Variants in FSTL5 observed in about 807,000 individuals in gnomAD.
FSTL5 encodes the protein follistatin-related protein 5.
Under a neutral mutation model 89.1 loss-of-function variants are expected in FSTL5, and 62 were observed. The observed-to-expected ratio is 0.70, with a 90% CI of 0.57 to 0.86. The LOEUF is 0.86. FSTL5 is among the 40% of genes least tolerant of loss of function. The pLI, the probability that FSTL5 is intolerant of heterozygous loss-of-function variation, is 0.00. For missense variants in FSTL5, 1,057 were observed against 1,001.6 expected (o/e 1.06, Z -0.75); for synonymous variants, 383 against 346.2 (o/e 1.11, Z -1.18).
chr4:161,599,435 A>G (rs1734150044), intron 7 of FSTL5, among the ~76,000 whole-genome samples: 1 of 152,156 alleles, frequency 6.6e-6, no homozygotes, highest in Non-Finnish European at 1.5e-5. Flanking sequence ...ACACACATAA[A>G]TTTTTCTATA....
chr4:161,518,160 GT>G (rs1180005601), intron 10 of FSTL5, among the ~76,000 whole-genome samples: 2 of 152,186 alleles, frequency 1.3e-5, no homozygotes, highest in East Asian at 3.8e-4. Flanking sequence ...ACCACACAGG[GT>G]TTTAACCTAA....
intron 7 of FSTL5, among the ~76,000 whole-genome samples, chr4:161,655,867 C>A (rs916922494): frequency 6.6e-6 from 1 of 152,058 alleles, no homozygotes; most frequent in Non-Finnish European, 1.5e-5. Context: ...GCTATAGATT[C>A]CTATTACATG....
chr4:162,075,727 C>T (rs1047491031), intron 2 of FSTL5, among the ~76,000 whole-genome samples: 1 of 151,846 alleles, frequency 6.6e-6, no homozygotes, highest in African/African-American at 2.4e-5. Context: ...GAGATAATGT[C>T]CCATCATCAC....
intron 15 of FSTL5, among the ~76,000 whole-genome samples, chr4:161,411,338 A>G (rs930571377): frequency 2.6e-5 from 4 of 152,022 alleles, no homozygotes; most frequent in Admixed American, 2.6e-4. Context: ...TATTCTATGA[A>G]GCCAGTATCA....
rs1305162153 is a variant in FSTL5 at position 161,617,899 on chromosome 4, T to C, written c.895-30324A>G. ...CTTAATGGGGATGGCACTGAATCTATAAATTACCTTGGGCAGTATGGTCAT... is the reference window on the plus strand; with the variant it reads ...CTTAATGGGGATGGCACTGAATCTACAAATTACCTTGGGCAGTATGGTCAT... On this transcript the variant is annotated intron_variant, in intron 7 of 15. Transcript: ENST00000306100. 2.0e-5 allele frequency among the ~76,000 whole-genome samples: 3 copies of C among 152,346 alleles called. No individual in the cohort carries two copies. In the East Asian group the frequency reaches 5.8e-4, roughly 29 times the overall value.
chr4:161,506,288 T>C (rs1730480491), intron 11 of FSTL5, among the ~76,000 whole-genome samples: 1 of 150,794 alleles, frequency 6.6e-6, no homozygotes, highest in African/African-American at 2.4e-5. Flanking sequence ...GCCTAGGCTG[T>C]TCTCAAACTC....
intron 3 of FSTL5, among the ~76,000 whole-genome samples, chr4:161,993,751 T>A (rs2111085519): frequency 6.6e-6 from 1 of 152,214 alleles, no homozygotes; most frequent in South Asian, 2.1e-4. Context: ...AAGGTTAATA[T>A]GATAAAAGTA....
At chr4:162,010,428 G>GA (rs980021203) in intron 3 of FSTL5, among the ~76,000 whole-genome samples, 1 of 152,052 alleles carries the variant, frequency 6.6e-6, no homozygotes, top group African/African-American at 2.4e-5. Flanking sequence ...ATGCTAAAAG[G>GA]AAAAAAATGA....
At chr4:161,835,603 A>G (rs1463325784) in intron 4 of FSTL5, among the ~76,000 whole-genome samples, 2 of 152,038 alleles carry the variant, frequency 1.3e-5, no homozygotes, top group Non-Finnish European at 2.9e-5. Flanking sequence ...AAACAAATTT[A>G]CAAGAAAAAA....
At chr4:161,980,057 G>A (rs377023421) in intron 3 of FSTL5, among the ~76,000 whole-genome samples, 1 of 108,352 alleles carries the variant, frequency 9.2e-6, no homozygotes. Flanking sequence ...GAAAGAAAGA[G>A]AAAAAGAGAA....
chr4:161,807,915 A>G (rs755677442), intron 4 of FSTL5, among the ~76,000 whole-genome samples: 1 of 152,188 alleles, frequency 6.6e-6, no homozygotes, highest in Non-Finnish European at 1.5e-5. Flanking sequence ...TGGGAATGAT[A>G]GGTAGTTAAA....
At chr4:161,833,271 T>C (rs1579125807) in intron 4 of FSTL5, among the ~76,000 whole-genome samples, 1 of 152,190 alleles carries the variant, frequency 6.6e-6, no homozygotes, top group South Asian at 2.1e-4. Context: ...TCTGATCTTT[T>C]ATATTTGCTG....
chr4:161,782,644 C>T (rs1741714706), intron 4 of FSTL5, among the ~76,000 whole-genome samples: 1 of 152,076 alleles, frequency 6.6e-6, no homozygotes, highest in South Asian at 2.1e-4. Context: ...GATTGACATG[C>T]TTACTGATTA....
At chr4:162,014,856 C>CT (rs1164998258) in intron 3 of FSTL5, among the ~76,000 whole-genome samples, 1 of 151,842 alleles carries the variant, frequency 6.6e-6, no homozygotes, top group Non-Finnish European at 1.5e-5. Flanking sequence ...TTAGTAATGG[C>CT]TTTTCTTAAA....
chr4:161,778,774 T>C (rs576866910), intron 4 of FSTL5, among the ~76,000 whole-genome samples: 1 of 152,364 alleles, frequency 6.6e-6, no homozygotes, highest in East Asian at 1.9e-4. Context: ...TCCGTAGCCA[T>C]TGCTAGCAAT....
At chr4:161,411,161 C>T (rs1405121746) in intron 15 of FSTL5, among the ~76,000 whole-genome samples, 1 of 152,036 alleles carries the variant, frequency 6.6e-6, no homozygotes, top group Non-Finnish European at 1.5e-5. Context: ...CGTGAATAGA[C>T]CAATATCAAC....
chr4:161,634,375 A>G lies in FSTL5; in HGVS notation c.894+21953T>C, dbSNP rs1057026377. 2.0e-5 allele frequency among the ~76,000 whole-genome samples: 3 copies of G among 152,188 alleles called. No homozygotes were observed. In the South Asian group the frequency reaches 6.2e-4, roughly 32 times the overall value. On this transcript the variant is annotated intron_variant, in intron 7 of 15. Transcript: ENST00000306100. ...TAAGCTATAAATCAATCATCCAGCA[A>G]CCTCACTACTGAATTTGTATCCTAA...
At chr4:161,938,265 T>C (rs547872009) in intron 3 of FSTL5, among the ~76,000 whole-genome samples, 23 of 152,240 alleles carry the variant, frequency 1.5e-4, no homozygotes, top group African/African-American at 4.8e-4. Context: ...AAAAACTGTA[T>C]CATCAGTAAC....
At chr4:161,544,167 A>T (rs1200997495) in intron 8 of FSTL5, among the ~76,000 whole-genome samples, 1 of 152,054 alleles carries the variant, frequency 6.6e-6, no homozygotes, top group African/African-American at 2.4e-5. Context: ...GGGAAATGCA[A>T]ATCAAAACCA....
Sources: gnomAD v4.1 joint callset for allele counts (sites outside exome capture counted in the v4.1 genomes callset) on GRCh38, gnomAD v4.1.1 for gene constraint, MANE v1.5 for transcripts, NCBI Gene and HGNC (gene_info 2026-07-23, HGNC 2026-07-21) for gene names.